The following CSPG5 variants were observed in gnomAD, a reference collection of about 807,000 sequenced individuals.
CSPG5 encodes chondroitin sulfate proteoglycan 5, also known as acidic leucine-rich EGF-like domain-containing brain protein.
In CSPG5, 25 loss-of-function variants were observed where a neutral mutation model predicts 39.8. The observed-to-expected ratio is 0.63, with a 90% confidence interval of 0.46 to 0.88. The LOEUF (loss-of-function observed/expected upper bound fraction) is 0.88. Ranked by LOEUF, CSPG5 falls within the 40% of genes least tolerant of loss-of-function variation. The probability of loss-of-function intolerance (pLI) is 0.00; values close to 1 mark genes in which losing one functional copy is unlikely to be tolerated. For synonymous variants in CSPG5, 295 were observed against 303.9 expected (o/e 0.97, Z 0.31); for missense variants, 627 against 702.2 (o/e 0.89, Z 1.21).
At position 47,562,652 on chromosome 3, in the gene CSPG5, T is replaced by C; in HGVS notation, c.1568A>G (p.Lys523Arg). ...CACATCCAAGTCAGCCTGGTCACCT[T>C]TGCCACCCTCAAGTTTGGGCGACAT... ...NSMSPKLEGG[K>R]GDQADLDVNC... Residue 523 changes from lysine to arginine, a missense_variant, in exon 5 of 5, where the codon AAA (lysine) becomes AGA (arginine). Physicochemically the swap from Lys to Arg is conservative, Grantham distance 26 (BLOSUM62 2). Coordinates refer to ENST00000264723, the MANE Select transcript of CSPG5 (RefSeq NM_006574.4). 6.2e-7 allele frequency: 1 copy of C among 1,614,084 alleles called. No homozygotes were observed. Among genetic ancestry groups the C allele is most frequent in the Non-Finnish European group, 8.5e-7 (1 of 1,180,018 alleles).
chr3:47,578,559 A>G lies in CSPG5; in HGVS notation c.97+38T>C. ...GCGGGACCCCTGCCCTGGGTGGGGC[A>G]CGAGGGCCGCGGGGGTCCCGGGCGC... On this transcript the variant is annotated intron_variant, in intron 1 of 4. Coordinates refer to ENST00000264723, the MANE Select transcript of CSPG5 (RefSeq NM_006574.4). This position sits in a 1 kb window ranked among gnomAD's most constrained non-coding sequence, Gnocchi z 6.0. 1.3e-6 allele frequency: 1 copy of G among 780,036 alleles called. No homozygotes were observed. The highest frequency in any genetic ancestry group is 1.7e-6 in the Non-Finnish European group (1 of 600,198). 48.3% of individuals were successfully genotyped at this position (780,036 alleles called of 1,614,324 possible).
chr3:47,574,734 T>C (rs2031643286), intron 2 of CSPG5, among the ~76,000 whole-genome samples: 1 of 151,846 alleles, frequency 6.6e-6, no homozygotes, highest in Non-Finnish European at 1.5e-5. Context: ...GGTCAGGAGA[T>C]TGAAACCATC....
chr3:47,574,906 T>C (rs1008437607), intron 2 of CSPG5, among the ~76,000 whole-genome samples: 7 of 152,020 alleles, frequency 4.6e-5, no homozygotes, highest in Non-Finnish European at 1.5e-5. Flanking sequence ...ACCACTGCAC[T>C]CCAGCCTGGA....
At chr3:47,567,675 T>C (rs1263756787) in intron 4 of CSPG5, among the ~76,000 whole-genome samples, 1 of 152,244 alleles carries the variant, frequency 6.6e-6, no homozygotes, top group Non-Finnish European at 1.5e-5. Context: ...ACATTTACTC[T>C]TATTCTCTCT....
Position 47,570,578 on chromosome 3 carries a change from C to T in CSPG5, c.1383-1351G>A, listed in dbSNP as rs553374957. Among the ~76,000 whole-genome samples, 6 of 151,316 alleles carry T rather than the reference C, an allele frequency of 4.0e-5. No homozygotes were observed. The East Asian group carries it at 7.8e-4, about 20-fold the overall frequency. ...AGGCTGGAGTGTAGTGGCACAATCT[C>T]GGCTCACCGCAACCTCCACCTACTG... On this transcript the variant is annotated intron_variant, in intron 3 of 4. Transcript: ENST00000264723.
intron 4 of CSPG5, among the ~76,000 whole-genome samples, chr3:47,563,472 A>C (rs1466665113): frequency 6.6e-6 from 1 of 152,148 alleles, no homozygotes; most frequent in Non-Finnish European, 1.5e-5. Flanking sequence ...TATATTGCCT[A>C]CAGCCCTGTG....
chr3:47,578,667 C>G lies in CSPG5; in HGVS notation c.27G>C (p.Pro9=). 2 of 1,092,908 alleles carry G rather than the reference C, an allele frequency of 1.8e-6. No homozygotes were observed. Among genetic ancestry groups the G allele is most frequent in the Non-Finnish European group, 2.2e-6 (2 of 893,066 alleles). The allele number at this position is 1,092,908 out of a possible 1,614,324, so 67.7% of individuals were successfully genotyped here. ...GCAGCAGTGGCGGCGGCCCCCGGCC[C>G]GGGCCCCCGCCCCCGGCTCGCCCCA... MGRAGGGG[P]GRGPPPLLLF... is the part of the protein sequence containing the mutation. The change falls in exon 1 of 5, where the codon CCG becomes CCC. Residue 9 remains proline, a synonymous_variant. Transcript: ENST00000264723. This position sits in a 1 kb window ranked among gnomAD's most constrained non-coding sequence, Gnocchi z 6.0.
intron 4 of CSPG5, among the ~76,000 whole-genome samples, chr3:47,564,845 G>A (rs987745682): frequency 6.6e-6 from 1 of 152,078 alleles, no homozygotes; most frequent in Non-Finnish European, 1.5e-5. Context: ...AAGTAGAGCT[G>A]CACTTTTTTA....
At position 47,578,278 on chromosome 3, in the gene CSPG5, G is replaced by A; in HGVS notation, c.97+319C>T. The A allele has an allele frequency of 3.8e-6, 1 of 264,238 alleles. No homozygotes were observed. Among genetic ancestry groups the A allele is most frequent in the Admixed American group, 5.4e-5 (1 of 18,358 alleles). The allele number at this position is 264,238 out of a possible 1,614,324, so 16.4% of individuals were successfully genotyped here. On this transcript the variant is annotated intron_variant, in intron 1 of 4. Coordinates refer to ENST00000264723, the MANE Select transcript of CSPG5 (RefSeq NM_006574.4). This position sits in a 1 kb window ranked among gnomAD's most constrained non-coding sequence, Gnocchi z 6.0. ...CCGCGTCCACTGGCTCCCGCCCTCA[G>A]CTCCAGGTCCCGCCCCGAAGTCTCA...
chr3:47,573,482 C>G (rs1270767787), intron 2 of CSPG5, among the ~76,000 whole-genome samples: 2 of 152,188 alleles, frequency 1.3e-5, no homozygotes, highest in African/African-American at 4.8e-5. Context: ...AGCTCCCTAT[C>G]CTAGTACTAT....
chr3:47,576,783 C>T (rs1410719796), intron 2 of CSPG5, 50 bp downstream of exon 2: 1 of 1,509,948 alleles, frequency 6.6e-7, no homozygotes, highest in South Asian at 1.4e-5. Context: ...TTGAGTCGGC[C>T]TCACATACAC....
chr3:47,564,681 A>G (rs1283475244), intron 4 of CSPG5, among the ~76,000 whole-genome samples: 2 of 152,196 alleles, frequency 1.3e-5, no homozygotes, highest in Non-Finnish European at 2.9e-5. Context: ...TGAGACGGAA[A>G]GATCTCCATC....
intron 3 of CSPG5, among the ~76,000 whole-genome samples, chr3:47,571,213 AC>A (rs531062292): frequency 8.1e-4 from 123 of 152,348 alleles, no homozygotes; most frequent in African/African-American, 2.7e-3. Flanking sequence ...TCTGCAGTGC[AC>A]CAGGCACATG....
rs368217624 is a variant in CSPG5, at chr3:47,562,781, G to GT, written c.1459-21_1459-20insA. The GT allele has an allele frequency of 6.8e-6, 6 of 883,572 alleles. No homozygotes were observed. The highest frequency in any genetic ancestry group is 4.3e-5 in the South Asian group (2 of 46,872). The allele number at this position is 883,572 out of a possible 1,614,324, so 54.7% of individuals were successfully genotyped here. On this transcript the variant is annotated intron_variant, in intron 4 of 4. Transcript: ENST00000264723. ...ATCATCCTGGAAGAGGGAAAAAGTT[G>GT]GGGGGGGGGAGACAATGCATACAGC...
At chr3:47,576,428 T>C (rs182391468) in intron 2 of CSPG5, among the ~76,000 whole-genome samples, 2 of 152,082 alleles carry the variant, frequency 1.3e-5, no homozygotes, top group South Asian at 2.1e-4. Context: ...CTCTTGCAAG[T>C]TGTGCCTGTC....
At chr3:47,574,807 C>T (rs535745230) in intron 2 of CSPG5, among the ~76,000 whole-genome samples, 7 of 152,208 alleles carry the variant, frequency 4.6e-5, no homozygotes, top group Admixed American at 3.3e-4. Flanking sequence ...GGCGTGGTGG[C>T]GGGCGCCTGC....
intron 4 of CSPG5, among the ~76,000 whole-genome samples, chr3:47,566,666 T>C (rs897024884): frequency 6.6e-6 from 1 of 151,978 alleles, no homozygotes; most frequent in Non-Finnish European, 1.5e-5. Context: ...CTCCTTGAAG[T>C]CTGGGTATTT....
chr3:47,562,814 TA>T, intron 4 of CSPG5, 53 bp from the exon 5 acceptor site: 1 of 1,475,760 alleles, frequency 6.8e-7, no homozygotes, highest in Admixed American at 2.0e-5. Context: ...AGCAACCAAA[TA>T]ATAATATCAG....
rs1266554412 is a variant in CSPG5, at chr3:47,578,646, C to T, written c.48G>A (p.Leu16=). 4.3e-6 allele frequency: 5 copies of T among 1,151,204 alleles called. No individual in the cohort carries two copies. Among genetic ancestry groups the T allele is most frequent in the Non-Finnish European group, 5.4e-6 (5 of 934,274 alleles). 71.3% of individuals were successfully genotyped at this position (1,151,204 alleles called of 1,614,324 possible). The part of the protein sequence containing the change: ...GGGPGRGPPP[L]LLFLGAALVL... The stretch of plus-strand genomic sequence containing the variant: ...CCAGCGCGGCCCCCAGAAACAGCAG[C>T]AGTGGCGGCGGCCCCCGGCCCGGGC... The change falls in exon 1 of 5, where the codon CTG becomes CTA. Residue 16 remains leucine (L), a synonymous_variant. Coordinates refer to ENST00000264723, the MANE Select transcript of CSPG5 (RefSeq NM_006574.4). This position sits in a 1 kb window ranked among gnomAD's most constrained non-coding sequence, Gnocchi z 6.0.
Sources: gnomAD v4.1 joint callset for allele counts (sites outside exome capture counted in the v4.1 genomes callset) on GRCh38, gnomAD v4.1.1 for gene constraint, Gnocchi (gnomAD v3.1) non-coding constraint, MANE v1.5 for transcripts, NCBI Gene and HGNC (gene_info 2026-07-23, HGNC 2026-07-21) for gene names.